STK11IP: variants seen among roughly 807,000 people sequenced by gnomAD.
The protein encoded by STK11IP is serine/threonine-protein kinase 11-interacting protein.
A neutral mutation model predicts 131.7 loss-of-function variants in STK11IP; 103 were observed. That is an observed-to-expected ratio of 0.78 (90% CI 0.67 to 0.92). The LOEUF is 0.92. STK11IP is among the 40% of genes least tolerant of loss of function. The pLI is 0.00. For synonymous variants in STK11IP, 557 were observed against 575.6 expected (o/e 0.97, Z 0.46); for missense variants, 1,315 against 1,385.7 (o/e 0.95, Z 0.81).
chr2:219,611,866 T>A, intron 18 of STK11IP, 32 bp downstream of exon 18: 1 of 1,591,284 alleles, frequency 6.3e-7, no homozygotes, highest in Non-Finnish European at 8.6e-7. Flanking sequence ...CATAGATGAG[T>A]TTGGGGAAGG....
Position 219,597,910 on chromosome 2 carries a change from G to A in STK11IP, c.-40G>A, listed in dbSNP as rs1418165701. 7 of 1,612,128 alleles carry A rather than the reference G, an allele frequency of 4.3e-6. No individual in the cohort carries two copies. Among genetic ancestry groups the A allele is most frequent in the Non-Finnish European group, 5.1e-6 (6 of 1,179,140 alleles). ...GGCAGCTGAGCTGGTAGGAGGACCA[G>A]ACGGGGAGGTTCGGTATGTCTGACC... On this transcript the variant is annotated 5_prime_UTR_variant, in exon 1 of 25. Coordinates refer to ENST00000456909, the MANE Select transcript of STK11IP (RefSeq NM_052902.4).
Position 219,614,197 on chromosome 2 carries a change from G to A in STK11IP, c.2753G>A (p.Cys918Tyr). 6.2e-7 allele frequency: 1 copy of A among 1,613,468 alleles called. No homozygotes were observed. The highest frequency in any genetic ancestry group is 8.5e-7 in the Non-Finnish European group (1 of 1,179,756). Residue 918 changes from cysteine to tyrosine, a missense_variant, in exon 22 of 25, where the codon TGT becomes TAT. Physicochemically the swap from Cys to Tyr is radical, Grantham distance 194. Coordinates refer to ENST00000456909, the MANE Select transcript of STK11IP (RefSeq NM_052902.4). ...TCTCTGCCCCCTGCCTGGAGGAACTGTGTCAGTGCCACAGAGGAGGAGGTC... is the reference window on the plus strand; with the variant it reads ...TCTCTGCCCCCTGCCTGGAGGAACTATGTCAGTGCCACAGAGGAGGAGGTC... ...LQSLPPAWRN[C>Y]VSATEEEVTP... is the part of the protein sequence containing the mutation.
intron 24 of STK11IP, 125 bp from the exon 25 acceptor site, chr2:219,615,919 G>C: frequency 1.6e-6 from 2 of 1,244,958 alleles, no homozygotes; most frequent in Non-Finnish European, 2.3e-6. Flanking sequence ...GAGTGACATG[G>C]GCCTGGGGAA....
Position 219,609,080 on chromosome 2 carries a change from C to A in STK11IP, c.1810-17C>A. 1.3e-6 allele frequency: 2 copies of A among 1,556,100 alleles called. No individual in the cohort carries two copies. The highest frequency in any genetic ancestry group is 2.3e-5 in the South Asian group (2 of 85,146). On this transcript the variant is annotated splice_polypyrimidine_tract_variant and intron_variant, in intron 15 of 24. Coordinates refer to ENST00000456909, the MANE Select transcript of STK11IP (RefSeq NM_052902.4). ...CGCCCCTGCTGTTTTTCACCCGGTC[C>A]CCCTCTTGCTGCGCAGGGCTCAGAT...
rs750107713 is a variant in STK11IP, at chr2:219,611,905, G to A, written c.2336-50G>A. Reference sequence around the variant, plus strand: ...GGGGCACTGATGGGGAGGTGGAGATGGAGCCCAGGGGCTGCCATGGGCAGG... The same window carrying A: ...GGGGCACTGATGGGGAGGTGGAGATAGAGCCCAGGGGCTGCCATGGGCAGG... On this transcript the variant is annotated intron_variant, in intron 18 of 24. Coordinates refer to ENST00000456909, the MANE Select transcript of STK11IP (RefSeq NM_052902.4). The A allele has an allele frequency of 1.1e-4, 175 of 1,573,212 alleles. 2 individuals are homozygous for A. Among genetic ancestry groups the A allele is most frequent in the Non-Finnish European group, 6.2e-5 (72 of 1,158,954 alleles).
rs1698024116 is a variant in STK11IP at position 219,602,582 on chromosome 2, G to A, written c.546+7G>A. 2 of 1,613,284 alleles carry A rather than the reference G, an allele frequency of 1.2e-6. No individual in the cohort carries two copies. Among genetic ancestry groups the A allele is most frequent in the African/African-American group, 1.3e-5 (1 of 74,930 alleles). On this transcript the variant is annotated splice_region_variant and intron_variant, in intron 6 of 24. Coordinates refer to ENST00000456909, the MANE Select transcript of STK11IP (RefSeq NM_052902.4). The stretch of plus-strand genomic sequence containing the variant: ...CGCCTTAGACAGCTCCCTGGTGAGT[G>A]CCTCAGAGGGAAGAGGGTTTCGAGG...
chr2:219,613,921 G>A lies in STK11IP; in HGVS notation c.2707G>A (p.Glu903Lys), dbSNP rs747013040. 4.2e-5 allele frequency: 65 copies of A among 1,542,668 alleles called. No individual in the cohort carries two copies. Among genetic ancestry groups the A allele is most frequent in the Non-Finnish European group, 5.5e-5 (62 of 1,136,754 alleles). ...DARHCRAFLE[E>K]LLDVLQSLPP... ...CAGGCATTGCCGGGCCTTCCTAGAG[G>A]AGCTCCTTGGTGAGAGAGGGGAGGG... The change falls in exon 21 of 25, where the codon GAG becomes AAG. Residue 903 changes from glutamate to lysine, a missense_variant. Coordinates refer to ENST00000456909, the MANE Select transcript of STK11IP (RefSeq NM_052902.4).
Position 219,608,670 on chromosome 2 carries a change from C to G in STK11IP, c.1691C>G (p.Ala564Gly), listed in dbSNP as rs746667443. ...GRECFLRVTS[A>G]HLFEVELQAA... ...GAATGCTTTCTCAGGGTCACTTCTG[C>G]CCACCTGTTTGAGGTGGAACTCCAA... Residue 564 changes from alanine to glycine, a missense_variant, in exon 15 of 25, where the codon GCC becomes GGC. By Grantham distance (60) the Ala-to-Gly change is moderately conservative (BLOSUM62 0). Coordinates refer to ENST00000456909, the MANE Select transcript of STK11IP (RefSeq NM_052902.4). 5.8e-5 allele frequency: 94 copies of G among 1,613,538 alleles called. No homozygotes were observed. Among genetic ancestry groups the G allele is most frequent in the Non-Finnish European group, 7.4e-5 (87 of 1,179,816 alleles).
chr2:219,605,406 G>GCA, intron 7 of STK11IP: 1 of 532,592 alleles, frequency 1.9e-6, no homozygotes, highest in Admixed American at 3.1e-5. Flanking sequence ...CATGCTCAGG[G>GCA]TGTGGCCTTG....
chr2:219,600,208 G>A (rs1354016785), intron 2 of STK11IP, among the ~76,000 whole-genome samples: 2 of 151,934 alleles, frequency 1.3e-5, no homozygotes, highest in East Asian at 1.9e-4. Context: ...GATTACAGGC[G>A]CATGTCGCAA....
chr2:219,597,905 G>A lies in STK11IP; in HGVS notation c.-45G>A, dbSNP rs532464054. On this transcript the variant is annotated 5_prime_UTR_variant, in exon 1 of 25. Coordinates refer to ENST00000456909, the MANE Select transcript of STK11IP (RefSeq NM_052902.4). ...CGCCGGGCAGCTGAGCTGGTAGGAG[G>A]ACCAGACGGGGAGGTTCGGTATGTC... 149 of 1,611,598 alleles carry A rather than the reference G, an allele frequency of 9.2e-5. 3 individuals carry two copies. The South Asian group carries it at 1.5e-3, about 16-fold the overall frequency.
Position 219,616,396 on chromosome 2 carries a change from G to A in STK11IP, c.*203G>A, listed in dbSNP as rs1454065900. The A allele has an allele frequency of 1.7e-6, 1 of 603,632 alleles. No homozygotes were observed. The highest frequency in any genetic ancestry group is 2.8e-6 in the Non-Finnish European group (1 of 360,028). 37.4% of individuals were successfully genotyped at this position (603,632 alleles called of 1,614,324 possible). ...CAGGGGACAGGCCACCTGGTCAGGA[G>A]GAATATTTTTCCTGCACTTTTTCTC... is the stretch of plus-strand genomic sequence containing the variant. On this transcript the variant is annotated 3_prime_UTR_variant, in exon 25 of 25. Transcript: ENST00000456909.
At chr2:219,602,121 T>C (rs534693621) in intron 5 of STK11IP, 38 bp downstream of exon 5, 6 of 1,459,254 alleles carry the variant, frequency 4.1e-6, no homozygotes, top group African/African-American at 1.4e-5. Flanking sequence ...CACCTCAACT[T>C]GAGAGATGTA....
At position 219,608,750 on chromosome 2, in the gene STK11IP, G is replaced by T. The variant is rs1218565772; in HGVS notation, c.1771G>T (p.Glu591Ter). 6.2e-7 allele frequency: 1 copy of T among 1,611,290 alleles called. No homozygotes were observed. The highest frequency in any genetic ancestry group is 2.2e-5 in the East Asian group (1 of 44,820). The change falls in exon 15 of 25, where the codon GAG becomes TAG. Residue 591 changes from glutamate (E) to a stop codon, truncating the protein, a stop_gained. Coordinates refer to ENST00000456909, the MANE Select transcript of STK11IP (RefSeq NM_052902.4). LOFTEE classifies it high-confidence loss of function. ...CCAGAGTCTGGAGGCAGCTGAGATA[G>T]AGCCGGAGGCCCAGGCCCAGAGGTC... ...ELQSLEAAEI[E>*]PEAQAQRSPR...
At chr2:219,609,611 G>A (rs1387768844) in intron 17 of STK11IP, 71 bp downstream of exon 17, 1 of 1,528,976 alleles carries the variant, frequency 6.5e-7, no homozygotes, top group South Asian at 1.2e-5. Flanking sequence ...TCTGTGTAGG[G>A]GAGTGTGAAG....
rs11405075 is a variant in STK11IP, at chr2:219,601,622, GT to G, written c.268-4del. On this transcript the variant is annotated intron_variant, in intron 3 of 24. Coordinates refer to ENST00000456909, the MANE Select transcript of STK11IP (RefSeq NM_052902.4). ...GATCTGCTGTGCCTCAGTAAATTGAGTTTTTTTTTTTTTTTCAGCTGGTCCA... is the reference window on the plus strand; with the variant it reads ...GATCTGCTGTGCCTCAGTAAATTGAGTTTTTTTTTTTTTTCAGCTGGTCCA... The G allele has an allele frequency of 2.2e-4, 323 of 1,489,236 alleles. 1 individual carries two copies. Among genetic ancestry groups the G allele is most frequent in the African/African-American group, 1.2e-3 (82 of 69,418 alleles). The allele number at this position is 1,489,236 out of a possible 1,614,324, so 92.3% of individuals were successfully genotyped here.
chr2:219,612,152 G>T, intron 19 of STK11IP, 94 bp downstream of exon 19: 7 of 1,158,456 alleles, frequency 6.0e-6, no homozygotes, highest in Non-Finnish European at 8.7e-6. Context: ...GCACTCTAGA[G>T]ACCTGATCTG....
chr2:219,606,634 C>T (rs1407294954), intron 11 of STK11IP, 78 bp from the exon 12 acceptor site: 42 of 1,596,032 alleles, frequency 2.6e-5, no homozygotes, highest in Middle Eastern at 3.4e-4. Flanking sequence ...AGTAGGGTCC[C>T]GCCTTTTGGC....
At chr2:219,609,571 A>T (rs1295056443) in intron 17 of STK11IP, 31 bp downstream of exon 17, 44 of 1,551,400 alleles carry the variant, frequency 2.8e-5, no homozygotes, top group Non-Finnish European at 3.7e-5. Context: ...CTCTCTGCCC[A>T]CACGCCTCCC....
Sources: allele counts gnomAD v4.1 joint callset (sites outside exome capture counted in the v4.1 genomes callset), GRCh38; gene constraint gnomAD v4.1.1; transcripts MANE v1.5; gene names NCBI Gene and HGNC (gene_info 2026-07-23, HGNC 2026-07-21).